ATE1: variants seen among roughly 807,000 people sequenced by gnomAD.
ATE1 encodes the protein arginyl-tRNA--protein transferase 1.
ATE1 carries 36 observed loss-of-function variants against 70.5 expected under a neutral mutation model. The ratio of observed to expected loss-of-function variants is 0.51; its 90% CI spans 0.39 to 0.67. The LOEUF (loss-of-function observed/expected upper bound fraction) is 0.67, where lower values mean the gene tolerates loss of function less well. Among genes scored for constraint, ATE1 ranks in the 30% least tolerant of loss-of-function variants. The pLI, the probability that ATE1 is intolerant of heterozygous loss-of-function variation, is 0.00. For synonymous variants in ATE1, 232 were observed against 219.3 expected (o/e 1.06, Z -0.51); for missense variants, 593 against 629.5 (o/e 0.94, Z 0.62).
At chr10:121,844,469 A>T (rs1948743073) in intron 8 of ATE1, among the ~76,000 whole-genome samples, 1 of 152,214 alleles carries the variant, frequency 6.6e-6, no homozygotes, top group Non-Finnish European at 1.5e-5. Context: ...GATGCAGAGT[A>T]ATAGGAACTC....
Position 121,846,139 on chromosome 10 carries a change from A to AAC in ATE1, c.976-4878_976-4877dup, listed in dbSNP as rs1554907777. Among the ~76,000 whole-genome samples the AAC allele has an allele frequency of 5.9e-3, 862 of 146,986 alleles. 7 individuals carry two copies. Among genetic ancestry groups the AAC allele is most frequent in the South Asian group, 0.012 (54 of 4,668 alleles). The stretch of plus-strand genomic sequence containing the variant: ...GTAGCACTATTCAAAAAAAAAAAAA[A>AAC]ACCCAAAACCAAAATACCCAACATT... On this transcript the variant is annotated intron_variant, in intron 8 of 11. Coordinates refer to ENST00000224652, the MANE Select transcript of ATE1 (RefSeq NM_001001976.3).
chr10:121,798,363 A>T (rs184142950), intron 10 of ATE1, among the ~76,000 whole-genome samples: 1 of 152,358 alleles, frequency 6.6e-6, no homozygotes, highest in African/African-American at 2.4e-5. Flanking sequence ...TTGAAAGTAT[A>T]TGCCAATGAA....
At chr10:121,860,307 C>T (rs889029563) in intron 8 of ATE1, among the ~76,000 whole-genome samples, 5 of 152,202 alleles carry the variant, frequency 3.3e-5, no homozygotes, top group African/African-American at 1.2e-4. Flanking sequence ...AAATTCCCAA[C>T]TCTCAGTTTA....
At chr10:121,808,148 T>C (rs1411549369) in intron 10 of ATE1, among the ~76,000 whole-genome samples, 1 of 152,218 alleles carries the variant, frequency 6.6e-6, no homozygotes, top group East Asian at 1.9e-4. Flanking sequence ...AGGATTTATT[T>C]AAAACTCCTC....
intron 11 of ATE1, among the ~76,000 whole-genome samples, chr10:121,782,889 T>TGGGCCC (rs1298720800): frequency 6.6e-6 from 1 of 152,190 alleles, no homozygotes; most frequent in Non-Finnish European, 1.5e-5. Flanking sequence ...CCCTCGAACA[T>TGGGCCC]CGGACTCTCA....
intron 10 of ATE1, among the ~76,000 whole-genome samples, chr10:121,801,258 G>T (rs568586502): frequency 6.6e-6 from 1 of 152,100 alleles, no homozygotes; most frequent in Non-Finnish European, 1.5e-5. Context: ...AAATCCAAGC[G>T]TTCTCAAAGG....
At chr10:121,765,663 A>C (rs1945249759) in intron 11 of ATE1, among the ~76,000 whole-genome samples, 1 of 152,240 alleles carries the variant, frequency 6.6e-6, no homozygotes, top group Non-Finnish European at 1.5e-5. Context: ...GAAAACTCCC[A>C]AACTGCCACA....
chr10:121,798,876 G>A (rs1225703962), intron 10 of ATE1, among the ~76,000 whole-genome samples: 1 of 150,588 alleles, frequency 6.6e-6, no homozygotes, highest in Non-Finnish European at 1.5e-5. Context: ...TCCAGCCTGG[G>A]TGACAGAGTA....
chr10:121,927,978 C>G lies in ATE1; in HGVS notation c.-29G>C. 6.7e-7 allele frequency: 1 copy of G among 1,481,552 alleles called. No homozygotes were observed. 91.8% of individuals were successfully genotyped at this position (1,481,552 alleles called of 1,614,324 possible). A position where few individuals can be genotyped will look rare whatever the true frequency, so the allele number is the denominator to read the frequency against. The stretch of plus-strand genomic sequence containing the variant: ...CTCGGCCCCGCGAACGCTCAGCCGC[C>G]CGGCCCCGCGTCGCTAGCGCGGCCG... On this transcript the variant is annotated 5_prime_UTR_variant, in exon 1 of 12. Transcript: ENST00000224652.
chr10:121,770,056 T>C (rs1272969810), intron 11 of ATE1, among the ~76,000 whole-genome samples: 1 of 152,228 alleles, frequency 6.6e-6, no homozygotes, highest in Non-Finnish European at 1.5e-5. Context: ...CAAATGTTTG[T>C]AGTAGTTATT....
At chr10:121,827,024 T>A (rs1564872913) in intron 10 of ATE1, among the ~76,000 whole-genome samples, 1 of 152,070 alleles carries the variant, frequency 6.6e-6, no homozygotes, top group South Asian at 2.1e-4. Context: ...AATAATTTTT[T>A]TTTTTTTTGA....
At chr10:121,922,231 CTT>C (rs1564970377) in intron 3 of ATE1, 116 bp downstream of exon 3, 1 of 696,680 alleles carries the variant, frequency 1.4e-6, no homozygotes, top group African/African-American at 1.8e-5. Flanking sequence ...TTTACTTTTC[CTT>C]TTAAAGGACA....
rs372252870 is a variant in ATE1, at chr10:121,821,619, G to A, written c.1257+15099C>T. On this transcript the variant is annotated intron_variant, in intron 10 of 11. Coordinates refer to ENST00000224652, the MANE Select transcript of ATE1 (RefSeq NM_001001976.3). ...ACTCAGGCCAGGCCCGGTGGCTCACGCCTGTAATCCCAGCACTTTAGGAGG... is the reference window on the plus strand; with the variant it reads ...ACTCAGGCCAGGCCCGGTGGCTCACACCTGTAATCCCAGCACTTTAGGAGG... Among the ~76,000 whole-genome samples, 86 of 152,304 alleles carry A rather than the reference G, an allele frequency of 5.6e-4. 1 individual carries two copies. The highest frequency in any genetic ancestry group is 6.8e-3 in the Middle Eastern group (2 of 294).
At chr10:121,794,764 T>C (rs1946596436) in intron 10 of ATE1, among the ~76,000 whole-genome samples, 1 of 150,498 alleles carries the variant, frequency 6.6e-6, no homozygotes, top group Admixed American at 6.6e-5. Flanking sequence ...TGGAACTGAA[T>C]GCTCACTGGC....
At chr10:121,868,659 A>G (rs1949744918) in intron 8 of ATE1, among the ~76,000 whole-genome samples, 2 of 152,150 alleles carry the variant, frequency 1.3e-5, no homozygotes, top group Non-Finnish European at 2.9e-5. Flanking sequence ...ATCAGGGAAA[A>G]GGGCTCAAGA....
Position 121,740,451 on chromosome 10 carries a change from C to T in ATE1, c.*3229G>A, listed in dbSNP as rs1439302145. 2 of 151,414 alleles carry T rather than the reference C, an allele frequency of 1.3e-5. No homozygotes were observed. Among genetic ancestry groups the T allele is most frequent in the Non-Finnish European group, 2.9e-5 (2 of 67,912 alleles). 9.4% of individuals were successfully genotyped at this position (151,414 alleles called of 1,614,324 possible). A position where few individuals can be genotyped will look rare whatever the true frequency, so the allele number is the denominator to read the frequency against. On this transcript the variant is annotated 3_prime_UTR_variant, in exon 12 of 12. Transcript: ENST00000224652. Reference sequence around the variant, plus strand: ...CAGATAGAAACAGCTTTATTTTTTCCATTCAGGCTTTATCAAATAGCTTGT... The same window carrying T: ...CAGATAGAAACAGCTTTATTTTTTCTATTCAGGCTTTATCAAATAGCTTGT...
At chr10:121,886,472 T>G (rs1316399490) in intron 7 of ATE1, among the ~76,000 whole-genome samples, 4 of 152,062 alleles carry the variant, frequency 2.6e-5, no homozygotes, top group African/African-American at 9.7e-5. Context: ...GGTGTGTGCG[T>G]GAATATGCCC....
intron 11 of ATE1, among the ~76,000 whole-genome samples, chr10:121,754,302 G>A (rs1010405545): frequency 6.6e-6 from 1 of 152,110 alleles, no homozygotes; most frequent in East Asian, 1.9e-4. Context: ...CCTTGGAGAC[G>A]TGACTAATTA....
At chr10:121,926,916 A>G (rs911291508) in intron 1 of ATE1, 2 of 985,392 alleles carry the variant, frequency 2.0e-6, no homozygotes, top group South Asian at 9.4e-5. Context: ...ACCGCTGCCC[A>G]CAAGTAGCAC....
Sources: allele counts gnomAD v4.1 joint callset (sites outside exome capture counted in the v4.1 genomes callset), GRCh38; gene constraint gnomAD v4.1.1; transcripts MANE v1.5; gene names NCBI Gene and HGNC (gene_info 2026-07-23, HGNC 2026-07-21).